The following TBC1D5 variants were observed in gnomAD, a reference collection of about 807,000 sequenced individuals.
The protein encoded by TBC1D5 is TBC1 domain family member 5.
A neutral mutation model predicts 100.3 loss-of-function variants in TBC1D5; 75 were observed. That is an observed-to-expected ratio of 0.75 (90% CI 0.62 to 0.91). The LOEUF is 0.91. Among genes scored for constraint, TBC1D5 ranks in the 40% least tolerant of loss-of-function variants. The pLI is 0.00. For synonymous variants in TBC1D5, 323 were observed against 325.6 expected (o/e 0.99, Z 0.09); for missense variants, 910 against 942.4 (o/e 0.97, Z 0.45).
Position 17,652,267 on chromosome 3 carries a change from T to C in TBC1D5, c.-100-28354A>G, listed in dbSNP as rs570701102. Reference sequence around the variant, plus strand: ...TAGTAGAATAATCTTTCTTCCTTTCTCTACCCTACTATATAAAATATAAAG... The same window carrying C: ...TAGTAGAATAATCTTTCTTCCTTTCCCTACCCTACTATATAAAATATAAAG... On this transcript the variant is annotated intron_variant, in intron 1 of 21. Transcript: ENST00000253692. 9.9e-5 allele frequency among the ~76,000 whole-genome samples: 15 copies of C among 152,284 alleles called. No individual in the cohort carries two copies. In the East Asian group the frequency reaches 2.5e-3, roughly 25 times the overall value.
At chr3:17,231,049 T>C in intron 17 of TBC1D5, among the ~76,000 whole-genome samples, 1 of 152,140 alleles carries the variant, frequency 6.6e-6, no homozygotes. Context: ...CTGAATATTT[T>C]TGACCTGTAG....
At position 17,619,163 on chromosome 3, in the gene TBC1D5, G is replaced by A. The variant is rs148914365; in HGVS notation, c.-36+4686C>T. Among the ~76,000 whole-genome samples, 823 of 152,270 alleles carry A rather than the reference G, an allele frequency of 5.4e-3. 9 individuals are homozygous for A. The highest frequency in any genetic ancestry group is 0.019 in the African/African-American group (772 of 41,544). ...TCTTAAAACATAGAAAAGTAGGACT[G>A]TACAACTGAAAAAGAAATACCCTGT... On this transcript the variant is annotated intron_variant, in intron 2 of 21. Transcript: ENST00000253692.
At chr3:17,619,057 C>CTGTA (rs2062430126) in intron 2 of TBC1D5, among the ~76,000 whole-genome samples, 3 of 152,084 alleles carry the variant, frequency 2.0e-5, no homozygotes, top group Non-Finnish European at 4.4e-5. Flanking sequence ...CAGAAAGCCC[C>CTGTA]TTTTTAATAG....
chr3:17,254,556 C>T (rs1238379539), intron 16 of TBC1D5, among the ~76,000 whole-genome samples: 1 of 151,718 alleles, frequency 6.6e-6, no homozygotes, highest in African/African-American at 2.4e-5. Context: ...TATATTTTTC[C>T]TGACATACAA....
chr3:17,721,044 T>C (rs1385399586), intron 1 of TBC1D5, among the ~76,000 whole-genome samples: 2 of 152,092 alleles, frequency 1.3e-5, no homozygotes, highest in East Asian at 1.9e-4. Context: ...TTTTGCTATG[T>C]TGGCCAGGCT....
intron 3 of TBC1D5, among the ~76,000 whole-genome samples, chr3:17,479,685 A>C (rs1345406033): frequency 6.6e-6 from 1 of 152,174 alleles, no homozygotes; most frequent in Non-Finnish European, 1.5e-5. Flanking sequence ...AAAAAATTAA[A>C]AAATTAGCCA....
intron 1 of TBC1D5, among the ~76,000 whole-genome samples, chr3:17,626,153 A>G (rs2063036897): frequency 6.6e-6 from 1 of 152,184 alleles, no homozygotes; most frequent in Non-Finnish European, 1.5e-5. Context: ...AAGAAAAATT[A>G]TAAATACCAA....
intron 2 of TBC1D5, among the ~76,000 whole-genome samples, chr3:17,546,210 CCTCATAAAAAA>C (rs1436271926): frequency 6.6e-6 from 1 of 152,082 alleles, no homozygotes; most frequent in Non-Finnish European, 1.5e-5. Context: ...TCTGTAGCTG[CCTCATAAAAAA>C]CCCATAGCTA....
intron 16 of TBC1D5, among the ~76,000 whole-genome samples, chr3:17,255,922 G>C (rs530668761): frequency 2.0e-5 from 3 of 152,142 alleles, no homozygotes; most frequent in Non-Finnish European, 4.4e-5. Context: ...TGTAGTCCCA[G>C]CTACTTGGGA....
chr3:17,526,307 T>C (rs2096134564), intron 2 of TBC1D5, among the ~76,000 whole-genome samples: 1 of 152,148 alleles, frequency 6.6e-6, no homozygotes, highest in East Asian at 1.9e-4. Flanking sequence ...ACTCTCCAAC[T>C]CCTAGACTCA....
intron 16 of TBC1D5, among the ~76,000 whole-genome samples, chr3:17,240,458 A>T (rs1017297567): frequency 6.6e-6 from 1 of 152,198 alleles, no homozygotes; most frequent in Non-Finnish European, 1.5e-5. Context: ...TGCACCACTT[A>T]CTTTCATTTT....
At chr3:17,639,539 C>A (rs768347078) in intron 1 of TBC1D5, among the ~76,000 whole-genome samples, 5 of 151,660 alleles carry the variant, frequency 3.3e-5, no homozygotes, top group Admixed American at 3.3e-4. Context: ...CAAACTATTC[C>A]CCATCCCTCA....
rs544726488 is a variant in TBC1D5 at position 17,239,929 on chromosome 3, G to C, written c.1332-1510C>G. 5.3e-5 allele frequency among the ~76,000 whole-genome samples: 8 copies of C among 152,214 alleles called. No individual in the cohort carries two copies. In the East Asian group the frequency reaches 1.5e-3, roughly 29 times the overall value. The stretch of plus-strand genomic sequence containing the variant: ...CCAAATCATTAATAGAAATGAAATA[G>C]CTCACATTTTGCTTTTTTCATAAAA... On this transcript the variant is annotated intron_variant, in intron 16 of 21. Transcript: ENST00000253692.
intron 15 of TBC1D5, among the ~76,000 whole-genome samples, chr3:17,290,794 T>C (rs1353139506): frequency 6.6e-6 from 1 of 152,242 alleles, no homozygotes; most frequent in Admixed American, 6.5e-5. Flanking sequence ...TGCTTCCTTA[T>C]ACATCGGAGA....
intron 19 of TBC1D5, among the ~76,000 whole-genome samples, chr3:17,172,380 G>A (rs1341459881): frequency 6.6e-6 from 1 of 152,158 alleles, no homozygotes; most frequent in South Asian, 2.1e-4. Context: ...AGTTACATCT[G>A]CATGTAAAAG....
intron 2 of TBC1D5, among the ~76,000 whole-genome samples, chr3:17,601,506 C>T (rs2060941177): frequency 6.6e-6 from 1 of 152,006 alleles, no homozygotes; most frequent in Non-Finnish European, 1.5e-5. Context: ...AGCGAAACTC[C>T]GTCTCAAAAT....
intron 2 of TBC1D5, among the ~76,000 whole-genome samples, chr3:17,544,434 C>T (rs2096392468): frequency 6.6e-6 from 1 of 152,114 alleles, no homozygotes; most frequent in Admixed American, 6.5e-5. Flanking sequence ...AGGCAGATCA[C>T]GAGGTCAGGG....
chr3:17,415,382 G>A (rs567660914), intron 4 of TBC1D5, among the ~76,000 whole-genome samples: 16 of 151,774 alleles, frequency 1.1e-4, no homozygotes, highest in Admixed American at 6.6e-4. Flanking sequence ...GGATGGTCTC[G>A]ATCTCCTGAC....
intron 2 of TBC1D5, among the ~76,000 whole-genome samples, chr3:17,550,648 A>G (rs1380237987): frequency 6.6e-6 from 1 of 152,162 alleles, no homozygotes; most frequent in Non-Finnish European, 1.5e-5. Flanking sequence ...GGCCACAATT[A>G]AAATTATGGT....
Sources: gnomAD v4.1 joint callset for allele counts (sites outside exome capture counted in the v4.1 genomes callset) on GRCh38, gnomAD v4.1.1 for gene constraint, MANE v1.5 for transcripts, NCBI Gene and HGNC (gene_info 2026-07-23, HGNC 2026-07-21) for gene names.